Variants in UNC45A observed in about 807,000 individuals in gnomAD.
UNC45A encodes the protein protein unc-45 homolog A.
UNC45A carries 78 observed loss-of-function variants against 103.2 expected under a neutral mutation model. The ratio of observed to expected loss-of-function variants is 0.76; its 90% CI spans 0.63 to 0.91. UNC45A has a LOEUF of 0.91. Ranked by LOEUF, UNC45A falls within the 40% of genes least tolerant of loss-of-function variation. The pLI is 0.00. For synonymous variants in UNC45A, 495 were observed against 504.6 expected, an observed-to-expected ratio of 0.98 and a Z score of 0.25; for missense variants, 1,193 against 1,224.8, an observed-to-expected ratio of 0.97 and a Z score of 0.39.
rs1318242376 is a variant in UNC45A at position 90,935,860 on chromosome 15, T to C, written c.214-86T>C. ...CAGGGTGGTGGGGGATCGGGTGACCTTGGAGAGCGAGAGTACCCCTGCTGC... is the reference window on the plus strand; with the variant it reads ...CAGGGTGGTGGGGGATCGGGTGACCCTGGAGAGCGAGAGTACCCCTGCTGC... On this transcript the variant is annotated intron_variant, in intron 2 of 19. Coordinates refer to ENST00000418476, the MANE Select transcript of UNC45A (RefSeq NM_018671.5). The C allele has an allele frequency of 1.9e-6, 3 of 1,600,304 alleles. No homozygotes were observed. In the African/African-American group the frequency reaches 4.0e-5, roughly 21 times the overall value.
chr15:90,946,845 T>C lies in UNC45A; in HGVS notation c.1431T>C (p.Asn477=). ...KAKRASFITA[N]GVSLLKDLYK... ...AGCGGGCCTCATTCATCACTGCCAA[T>C]GGTGTCTCGCTGCTGAAGGACCTAT... Residue 477 remains asparagine, a synonymous_variant, in exon 10 of 20, where the codon AAT becomes AAC. Coordinates refer to ENST00000418476, the MANE Select transcript of UNC45A (RefSeq NM_018671.5). 1 of 1,581,268 alleles carries C rather than the reference T, an allele frequency of 6.3e-7. No individual in the cohort carries two copies. The highest frequency in any genetic ancestry group is 8.6e-7 in the Non-Finnish European group (1 of 1,159,928).
Position 90,935,286 on chromosome 15 carries a change from G to A in UNC45A, c.-39G>A. ...CCGAACCCAGACTCGCCCCGCCCCAGAGACTGCGCCTGCGCGGGCACGAGA... is the reference window on the plus strand; with the variant it reads ...CCGAACCCAGACTCGCCCCGCCCCAAAGACTGCGCCTGCGCGGGCACGAGA... On this transcript the variant is annotated 5_prime_UTR_variant, in exon 1 of 20. Coordinates refer to ENST00000418476, the MANE Select transcript of UNC45A (RefSeq NM_018671.5). 1 of 1,581,590 alleles carries A rather than the reference G, an allele frequency of 6.3e-7. No homozygotes were observed. Among genetic ancestry groups the A allele is most frequent in the Non-Finnish European group, 8.6e-7 (1 of 1,166,658 alleles).
At chr15:90,934,233 C>G (rs1036107144), upstream of UNC45A, 1 of 399,426 alleles carries the variant, frequency 2.5e-6, no homozygotes, top group Non-Finnish European at 4.4e-6. Flanking sequence ...GGAAGGGCAT[C>G]TTTTCTTCTG....
upstream of UNC45A, chr15:90,934,939 C>T (rs2035925574): frequency 4.5e-6 from 2 of 442,890 alleles, no homozygotes; most frequent in Admixed American, 4.0e-5. Context: ...TTTTCTCTCC[C>T]GCAGGGGCCC....
chr15:90,931,226 C>T, upstream of UNC45A: 3 of 1,545,772 alleles, frequency 1.9e-6, no homozygotes, highest in Non-Finnish European at 2.6e-6. Context: ...GAATCCTGTC[C>T]GGCCTGAACG....
chr15:90,947,891 G>A lies in UNC45A; in HGVS notation c.1595+1G>A, dbSNP rs2036656014. The A allele has an allele frequency of 1.2e-6, 2 of 1,613,186 alleles. No homozygotes were observed. The highest frequency in any genetic ancestry group is 8.5e-7 in the Non-Finnish European group (1 of 1,179,570). ...TCAAACTGGCTAAGCAGTGTCGAAA[G>A]TGAGTCATCTGGCCTTGCTGTGGTT... On this transcript the variant is annotated splice_donor_variant, in intron 11 of 19. Transcript: ENST00000418476. LOFTEE classifies it high-confidence loss of function.
chr15:90,930,999 C>T (rs2035769140), upstream of UNC45A: 2 of 423,010 alleles, frequency 4.7e-6, no homozygotes, highest in Admixed American at 7.6e-5. Context: ...CCCTGAGGGG[C>T]CAGAGATCCC....
chr15:90,944,869 G>A lies in UNC45A; in HGVS notation c.1028-23G>A, dbSNP rs762629315. 2.5e-6 allele frequency: 4 copies of A among 1,609,502 alleles called. No individual in the cohort carries two copies. In the Admixed American group the frequency reaches 5.0e-5, roughly 20 times the overall value. On this transcript the variant is annotated intron_variant, in intron 8 of 19. Transcript: ENST00000418476. ...TAGGGGTTGGAACTAGTGTTCTACT[G>A]TCTAAGCGGGGTGTCTTTACAGGTC...
chr15:90,935,396 C>A, intron 1 of UNC45A, 21 bp downstream of exon 1: 5 of 1,586,486 alleles, frequency 3.2e-6, no homozygotes, highest in Non-Finnish European at 3.4e-6. Flanking sequence ...AACCCCCGCG[C>A]CATCACCCCT....
chr15:90,936,453 A>G lies in UNC45A; in HGVS notation c.419A>G (p.Gln140Arg), dbSNP rs1225079142. 6.2e-7 allele frequency: 1 copy of G among 1,613,876 alleles called. No individual in the cohort carries two copies. Among genetic ancestry groups the G allele is most frequent in the Non-Finnish European group, 8.5e-7 (1 of 1,179,926 alleles). The change falls in exon 4 of 20, where the codon CAG (glutamine) becomes CGG (arginine). Residue 140 changes from glutamine to arginine, a missense_variant. Coordinates refer to ENST00000418476, the MANE Select transcript of UNC45A (RefSeq NM_018671.5). ...EALRNIGGQI[Q>R]EKVRYMSSTD... ...TTGCGGAACATCGGGGGCCAGATTC[A>G]GGAGAAGGTATGTGAGTGACCCAGA...
rs1446267574 is a variant in UNC45A, at chr15:90,935,977, C to G, written c.245C>G (p.Ser82Cys). The change falls in exon 3 of 20, where the codon TCC becomes TGC. Residue 82 changes from serine to cysteine, a missense_variant. Ser to Cys is a moderately radical substitution (Grantham distance 112). Transcript: ENST00000418476. ...EDYDKAETEA[S>C]KAIEKDGGDV... is the part of the protein sequence containing the mutation. Reference sequence around the variant, plus strand: ...TACGACAAAGCAGAAACAGAGGCATCCAAAGGTAGGGGAATGGTGGGCCCT... The same window carrying G: ...TACGACAAAGCAGAAACAGAGGCATGCAAAGGTAGGGGAATGGTGGGCCCT... 3 of 1,614,044 alleles carry G rather than the reference C, an allele frequency of 1.9e-6. No individual in the cohort carries two copies. Among genetic ancestry groups the G allele is most frequent in the Non-Finnish European group, 2.5e-6 (3 of 1,180,014 alleles).
At chr15:90,937,496 T>C (rs1397757170) in intron 4 of UNC45A, among the ~76,000 whole-genome samples, 1 of 151,958 alleles carries the variant, frequency 6.6e-6, no homozygotes, top group East Asian at 1.9e-4. Context: ...AATTGTTTTT[T>C]TTTTTTTTGA....
chr15:90,932,538 C>G (rs2035841319), upstream of UNC45A: 1 of 1,262,520 alleles, frequency 7.9e-7, no homozygotes, highest in East Asian at 3.1e-5. Context: ...CCTCAGAGCC[C>G]ATCGCGCGGA....
chr15:90,931,436 G>T (rs749888237), upstream of UNC45A: 2 of 1,610,616 alleles, frequency 1.2e-6, no homozygotes, highest in Non-Finnish European at 1.7e-6. Context: ...ACTTGCTAGC[G>T]TGATGTCAAG....
chr15:90,931,990 G>T, upstream of UNC45A: 1 of 1,613,884 alleles, frequency 6.2e-7, no homozygotes. Context: ...GCCAAGGGTT[G>T]CCCATTGCTG....
chr15:90,942,216 T>C (rs16945038), intron 6 of UNC45A, among the ~76,000 whole-genome samples: 1,890 of 152,258 alleles, frequency 0.012, 45 homozygotes, highest in African/African-American at 0.043. Flanking sequence ...GGAGAGGTAG[T>C]AGGGCATTGC....
At chr15:90,941,775 C>T (rs185657490) in intron 6 of UNC45A, among the ~76,000 whole-genome samples, 68 of 151,970 alleles carry the variant, frequency 4.5e-4, no homozygotes, top group African/African-American at 1.4e-3. Context: ...CTGGCTAACA[C>T]GGTGAAACCC....
chr15:90,931,606 T>G, upstream of UNC45A: 1 of 1,614,072 alleles, frequency 6.2e-7, no homozygotes, highest in Non-Finnish European at 8.5e-7. Context: ...ATTTGGGAAT[T>G]AAGAATGCCC....
chr15:90,952,971 C>G lies in UNC45A; in HGVS notation c.2346C>G (p.Gly782=). Residue 782 remains glycine, a synonymous_variant, in exon 18 of 20, where the codon GGC becomes GGG. Transcript: ENST00000418476. ...LKEKAVPMIE[G]YMFEEHEMIR... is the part of the protein sequence containing the mutation. The stretch of plus-strand genomic sequence containing the variant: ...AGAAGGCTGTGCCCATGATAGAAGG[C>G]TACATGTTTGAGGAGCATGAGATGA... 1.2e-6 allele frequency: 2 copies of G among 1,613,506 alleles called. No individual in the cohort carries two copies. The highest frequency in any genetic ancestry group is 2.7e-5 in the African/African-American group (2 of 75,040).
Sources: allele counts gnomAD v4.1 joint callset (sites outside exome capture counted in the v4.1 genomes callset), GRCh38; gene constraint gnomAD v4.1.1; transcripts MANE v1.5; gene names NCBI Gene and HGNC (gene_info 2026-07-23, HGNC 2026-07-21).